The following FAM174B variants were observed in gnomAD, a reference collection of about 807,000 sequenced individuals.
FAM174B encodes the protein membrane protein FAM174B.
In FAM174B, 12 loss-of-function variants were observed where a neutral mutation model predicts 10.9. The ratio of observed to expected loss-of-function variants is 1.10; its 90% CI spans 0.71 to 1.79. The LOEUF (loss-of-function observed/expected upper bound fraction) is 1.79, where lower values mean the gene tolerates loss of function less well. Among genes scored for constraint, FAM174B ranks in the 40% most tolerant of loss-of-function variants. The probability of loss-of-function intolerance (pLI) is 0.00; values close to 1 mark genes in which losing one functional copy is unlikely to be tolerated. For missense variants in FAM174B, 266 were observed against 233.3 expected (o/e 1.14, Z -0.91); for synonymous variants, 132 against 115.8 (o/e 1.14, Z -0.90).
chr15:92,649,439 T>A (rs1351070931), intron 1 of FAM174B, among the ~76,000 whole-genome samples: 2 of 152,216 alleles, frequency 1.3e-5, no homozygotes, highest in Non-Finnish European at 2.9e-5. Flanking sequence ...TATGGCTGCA[T>A]CCTCATTTAT....
rs1429045341 is a variant in FAM174B at position 92,655,437 on chromosome 15, C to G, written c.223G>C (p.Asp75His). 6.7e-7 allele frequency: 1 copy of G among 1,492,848 alleles called. No homozygotes were observed. Among genetic ancestry groups the G allele is most frequent in the African/African-American group, 2.1e-5 (1 of 47,054 alleles). The allele number at this position is 1,492,848 out of a possible 1,614,324, so 92.5% of individuals were successfully genotyped here. ...SGSSSSNSSGDALVTRISILL... is the reference protein window; with the variant it reads ...SGSSSSNSSGHALVTRISILL... ...ATGGAAATGCGGGTCACCAAGGCGT[C>G]GCCACTGCTGTTGGAGCTGGAGCTG... is the stretch of plus-strand genomic sequence containing the variant. The change falls in exon 1 of 3, where the codon GAC becomes CAC. Residue 75 changes from aspartate (D) to histidine (H), a missense_variant. Asp to His is a moderately conservative substitution (Grantham distance 81, BLOSUM62 -1). Transcript: ENST00000327355.
At chr15:92,623,717 T>G (rs945018521) in intron 2 of FAM174B, among the ~76,000 whole-genome samples, 6 of 152,150 alleles carry the variant, frequency 3.9e-5, no homozygotes, top group African/African-American at 1.4e-4. Flanking sequence ...GCAGTGGCCT[T>G]ATGAGTGAAC....
chr15:92,628,560 G>C (rs889474445), intron 2 of FAM174B, among the ~76,000 whole-genome samples: 2 of 151,954 alleles, frequency 1.3e-5, no homozygotes, highest in African/African-American at 4.8e-5. Context: ...GCATTATTTT[G>C]TGGTATGAAT....
intron 1 of FAM174B, chr15:92,634,420 T>G (rs77449112): frequency 2.0e-5 from 3 of 152,248 alleles, no homozygotes; most frequent in African/African-American, 7.2e-5. Flanking sequence ...CCCTGCCTCA[T>G]GGGAGTGAAT....
At chr15:92,619,601 T>C in intron 2 of FAM174B, 142 bp from the exon 3 acceptor site, 1 of 937,676 alleles carries the variant, frequency 1.1e-6, no homozygotes, top group Admixed American at 2.7e-5. Flanking sequence ...TTGAGCGTGC[T>C]GTCTGGAAGG....
At chr15:92,627,339 T>A (rs1043228041) in intron 2 of FAM174B, 5 of 169,378 alleles carry the variant, frequency 3.0e-5, no homozygotes, top group Non-Finnish European at 7.3e-5. Context: ...AATGCCAATA[T>A]GGCAGTCATT....
At chr15:92,645,081 G>A (rs549090181) in intron 1 of FAM174B, among the ~76,000 whole-genome samples, 15 of 152,302 alleles carry the variant, frequency 9.8e-5, no homozygotes, top group African/African-American at 3.4e-4. Flanking sequence ...TAGGTCCTAC[G>A]TGCCAAGCAT....
In FAM174B at chr15:92,630,266, T is replaced by C. The variant is rs762429616; in HGVS notation, c.424A>G (p.Asn142Asp). Residue 142 changes from asparagine (N) to aspartate (D), a missense_variant, in exon 2 of 3, where the codon AAT becomes GAT. By Grantham distance (23) the Asn-to-Asp change is conservative (BLOSUM62 1). Coordinates refer to ENST00000327355, the MANE Select transcript of FAM174B (RefSeq NM_207446.3). Reference protein sequence around the residue: ...PAERVEMAPLNEEDDEDEDST... With the variant: ...PAERVEMAPLDEEDDEDEDST... ...TCCTCATCTTCATCATCCTCTTCATTTAGTGGCGCCATTTCCACTCGCTCT... is the reference window on the plus strand; with the variant it reads ...TCCTCATCTTCATCATCCTCTTCATCTAGTGGCGCCATTTCCACTCGCTCT... The C allele has an allele frequency of 8.7e-6, 14 of 1,613,644 alleles. No individual in the cohort carries two copies. Among genetic ancestry groups the C allele is most frequent in the Non-Finnish European group, 2.5e-6 (3 of 1,179,786 alleles).
At chr15:92,643,343 AATGTGT>A (rs1204111227) in intron 1 of FAM174B, among the ~76,000 whole-genome samples, 1 of 17,886 alleles carries the variant, frequency 5.6e-5, no homozygotes, top group Admixed American at 3.3e-4. Context: ...ATAGGGAAGG[AATGTGT>A]GTGTGTGTGT....
intron 1 of FAM174B, among the ~76,000 whole-genome samples, chr15:92,637,043 T>C (rs1341668120): frequency 6.6e-6 from 1 of 152,222 alleles, no homozygotes; most frequent in Non-Finnish European, 1.5e-5. Context: ...CTGTATCCTC[T>C]GTGCCCTGGG....
At chr15:92,645,992 C>G (rs186273423) in intron 1 of FAM174B, among the ~76,000 whole-genome samples, 1 of 152,104 alleles carries the variant, frequency 6.6e-6, no homozygotes, top group African/African-American at 2.4e-5. Flanking sequence ...CAAACCTATC[C>G]CTTTCCCTGC....
At chr15:92,649,729 C>T (rs2050952279) in intron 1 of FAM174B, among the ~76,000 whole-genome samples, 1 of 152,206 alleles carries the variant, frequency 6.6e-6, no homozygotes, top group Admixed American at 6.5e-5. Flanking sequence ...ACATTTGGGG[C>T]TCCCCATCCT....
chr15:92,620,972 T>C (rs1252009432), intron 2 of FAM174B, among the ~76,000 whole-genome samples: 3 of 152,112 alleles, frequency 2.0e-5, no homozygotes, highest in East Asian at 1.9e-4. Flanking sequence ...ATAACAAAGA[T>C]TTAATAGAAT....
Position 92,634,128 on chromosome 15 carries a change from A to G in FAM174B, c.345-3783T>C, listed in dbSNP as rs1276308854. ...GTCCATTTCTGACACACAGCTAAACAAGCATCTGGAACGGGAGAAAAGAAA... is the reference window on the plus strand; with the variant it reads ...GTCCATTTCTGACACACAGCTAAACGAGCATCTGGAACGGGAGAAAAGAAA... On this transcript the variant is annotated intron_variant, in intron 1 of 2. Coordinates refer to ENST00000327355, the MANE Select transcript of FAM174B (RefSeq NM_207446.3). Among the ~76,000 whole-genome samples, 4 of 152,216 alleles carry G rather than the reference A, an allele frequency of 2.6e-5. No homozygotes were observed. In the East Asian group the frequency reaches 5.8e-4, roughly 22 times the overall value.
At chr15:92,632,689 T>G (rs1435436645) in intron 1 of FAM174B, among the ~76,000 whole-genome samples, 2 of 151,922 alleles carry the variant, frequency 1.3e-5, no homozygotes, top group Non-Finnish European at 2.9e-5. Flanking sequence ...TTGTTTTTTT[T>G]TTTTCTATCT....
intron 2 of FAM174B, among the ~76,000 whole-genome samples, chr15:92,629,442 G>C (rs2050776048): frequency 6.6e-6 from 1 of 152,098 alleles, no homozygotes; most frequent in Non-Finnish European, 1.5e-5. Flanking sequence ...ATCCAAGCAG[G>C]AACGCCACCC....
rs575695419 is a variant in FAM174B at position 92,643,961 on chromosome 15, A to C, written c.344+11355T>G. ...CACAGGTGCCGCCAGTGTAGACAGG[A>C]GGACTAGCAGGCGACCCTGAGCCAA... On this transcript the variant is annotated intron_variant, in intron 1 of 2. Transcript: ENST00000327355. Among the ~76,000 whole-genome samples the C allele has an allele frequency of 2.6e-5, 4 of 152,298 alleles. No individual in the cohort carries two copies. The South Asian group carries it at 8.3e-4, about 32-fold the overall frequency.
chr15:92,632,447 G>A (rs1351298042), intron 1 of FAM174B, among the ~76,000 whole-genome samples: 1 of 152,194 alleles, frequency 6.6e-6, no homozygotes, highest in Non-Finnish European at 1.5e-5. Flanking sequence ...GGAGGCTGAG[G>A]CAGAGGTTGC....
At chr15:92,626,260 G>A (rs760785300) in intron 2 of FAM174B, among the ~76,000 whole-genome samples, 12 of 151,968 alleles carry the variant, frequency 7.9e-5, no homozygotes, top group Non-Finnish European at 1.3e-4. Context: ...CACCGTGCCC[G>A]GCTAATTTTT....
Sources: gnomAD v4.1 joint callset for allele counts (sites outside exome capture counted in the v4.1 genomes callset) on GRCh38, gnomAD v4.1.1 for gene constraint, MANE v1.5 for transcripts, NCBI Gene and HGNC (gene_info 2026-07-23, HGNC 2026-07-21) for gene names.